The following PIK3C2G variants were observed in gnomAD, a reference collection of about 807,000 sequenced individuals.
The protein encoded by PIK3C2G is phosphatidylinositol-4-phosphate 3-kinase catalytic subunit type 2 gamma.
PIK3C2G carries 168 observed loss-of-function variants against 181.1 expected under a neutral mutation model. The ratio of observed to expected loss-of-function variants is 0.93; its 90% confidence interval spans 0.82 to 1.05. The LOEUF (loss-of-function observed/expected upper bound fraction) is 1.05, where lower values mean the gene tolerates loss of function less well. Among genes scored for constraint, PIK3C2G ranks in the 50% least tolerant of loss-of-function variants. The pLI, the probability that PIK3C2G is intolerant of heterozygous loss-of-function variation, is 0.00. For missense variants in PIK3C2G, 1,869 were observed against 1,732.8 expected, an observed-to-expected ratio of 1.08 and a Z score of -1.40; for synonymous variants, 573 against 592.2, an observed-to-expected ratio of 0.97 and a Z score of 0.47.
intron 18 of PIK3C2G, among the ~76,000 whole-genome samples, chr12:18,476,018 C>A (rs1334401912): frequency 6.6e-6 from 1 of 151,594 alleles, no homozygotes; most frequent in African/African-American, 2.4e-5. Flanking sequence ...CAGTTCTGTC[C>A]CGAAAGAATT....
chr12:18,303,183 C>A (rs543458535), intron 5 of PIK3C2G, among the ~76,000 whole-genome samples: 16 of 130,550 alleles, frequency 1.2e-4, no homozygotes, highest in African/African-American at 4.4e-4. Flanking sequence ...CTCTTTCTCT[C>A]TCTTCTTTCT....
chr12:18,605,244 G>T, intron 30 of PIK3C2G, among the ~76,000 whole-genome samples: 1 of 152,014 alleles, frequency 6.6e-6, no homozygotes, highest in Non-Finnish European at 1.5e-5. Context: ...TCATTCAAGG[G>T]TACTATGAAC....
rs976311949 is a variant in PIK3C2G, at chr12:18,407,948, G to C, written c.2315+8101G>C. ...AGGTCAAACTAGAAGACCATGTTGAGGACTTCTAAAGCAGGACCAAGTTGG... is the reference window on the plus strand; with the variant it reads ...AGGTCAAACTAGAAGACCATGTTGACGACTTCTAAAGCAGGACCAAGTTGG... On this transcript the variant is annotated intron_variant, in intron 16 of 32. Transcript: ENST00000538779. Among the ~76,000 whole-genome samples the C allele has an allele frequency of 2.0e-5, 3 of 152,234 alleles. No individual in the cohort carries two copies. The East Asian group carries it at 5.8e-4, about 29-fold the overall frequency.
At chr12:18,463,559 A>T (rs115441000) in intron 18 of PIK3C2G, among the ~76,000 whole-genome samples, 1,583 of 152,308 alleles carry the variant, frequency 0.01, 28 homozygotes, top group African/African-American at 0.036. Context: ...TGCATCAGCG[A>T]TTATATGATG....
chr12:18,643,018 C>T (rs1417082700), intron 32 of PIK3C2G, among the ~76,000 whole-genome samples: 1 of 152,062 alleles, frequency 6.6e-6, no homozygotes, highest in Non-Finnish European at 1.5e-5. Context: ...TATCAAGAAA[C>T]TTCTCAGACC....
chr12:18,664,162 G>A, the PIK3C2G span, among the ~76,000 whole-genome samples: 1 of 152,190 alleles, frequency 6.6e-6, no homozygotes, highest in African/African-American at 2.4e-5. Context: ...GAACGCTTAT[G>A]TACTGTTGGT....
intron 12 of PIK3C2G, among the ~76,000 whole-genome samples, chr12:18,366,319 G>A (rs945513076): frequency 3.3e-5 from 5 of 152,150 alleles, no homozygotes; most frequent in African/African-American, 1.2e-4. Context: ...GATCATTTGA[G>A]GTCAGGAGTT....
At chr12:18,341,559 A>G (rs1470983612) in intron 9 of PIK3C2G, among the ~76,000 whole-genome samples, 4 of 152,136 alleles carry the variant, frequency 2.6e-5, no homozygotes, top group African/African-American at 9.6e-5. Context: ...ACTGGGTCCC[A>G]CTTATTTTGA....
intron 32 of PIK3C2G, among the ~76,000 whole-genome samples, chr12:18,642,812 G>C (rs907622988): frequency 6.8e-6 from 1 of 146,764 alleles, no homozygotes; most frequent in Non-Finnish European, 1.5e-5. Flanking sequence ...GTGTGTGTGT[G>C]TGTGTGTGTG....
chr12:18,349,279 AG>A (rs1321521768), intron 11 of PIK3C2G, among the ~76,000 whole-genome samples: 2 of 152,180 alleles, frequency 1.3e-5, no homozygotes, highest in African/African-American at 2.4e-5. Context: ...ACCAGGCCAG[AG>A]GTATCTCCAG....
chr12:18,640,688 G>C lies in PIK3C2G; in HGVS notation c.4308+134G>C, dbSNP rs572337224. Reference sequence around the variant, plus strand: ...AGGAAAGATATTTTCCAAAGTAGTCGCAGTATGCTGATCACTCTTCTAGAT... The same window carrying C: ...AGGAAAGATATTTTCCAAAGTAGTCCCAGTATGCTGATCACTCTTCTAGAT... On this transcript the variant is annotated intron_variant, in intron 32 of 32. Transcript: ENST00000538779. 4 of 792,660 alleles carry C rather than the reference G, an allele frequency of 5.0e-6. No homozygotes were observed. In the East Asian group the frequency reaches 8.1e-5, roughly 16 times the overall value. The allele number at this position is 792,660 out of a possible 1,614,324, so 49.1% of individuals were successfully genotyped here. A position where few individuals can be genotyped will look rare whatever the true frequency, so the allele number is the denominator to read the frequency against.
chr12:18,287,215 A>G (rs1054566458), intron 3 of PIK3C2G, among the ~76,000 whole-genome samples: 2 of 151,940 alleles, frequency 1.3e-5, no homozygotes, highest in African/African-American at 2.4e-5. Flanking sequence ...GTTTGCAGTG[A>G]ATTTTTTTTT....
At chr12:18,464,817 A>C (rs138326104) in intron 18 of PIK3C2G, among the ~76,000 whole-genome samples, 120 of 152,156 alleles carry the variant, frequency 7.9e-4, no homozygotes, top group Admixed American at 2.9e-3. Flanking sequence ...CTGTAGTATA[A>C]ATGCATCACA....
In PIK3C2G at chr12:18,526,516, G is replaced by T. The variant is rs149934747; in HGVS notation, c.3324-11640G>T. Reference sequence around the variant, plus strand: ...TAGGATCATTCCAAAATGTCATCACGTTTACTTTCCTTGACCCAAGAACCT... The same window carrying T: ...TAGGATCATTCCAAAATGTCATCACTTTTACTTTCCTTGACCCAAGAACCT... On this transcript the variant is annotated intron_variant, in intron 24 of 32. Coordinates refer to ENST00000538779, the MANE Select transcript of PIK3C2G (RefSeq NM_001288772.2). Among the ~76,000 whole-genome samples, 868 of 152,154 alleles carry T rather than the reference G, an allele frequency of 5.7e-3. 6 individuals carry two copies. The highest frequency in any genetic ancestry group is 0.02 in the African/African-American group (835 of 41,492).
the PIK3C2G span, among the ~76,000 whole-genome samples, chr12:18,685,846 G>GCACA: frequency 1.4e-4 from 15 of 109,250 alleles, no homozygotes; most frequent in African/African-American, 5.0e-4. Flanking sequence ...ACACACACGC[G>GCACA]CACACACACA....
chr12:18,279,107 C>A (rs1287223474), intron 1 of PIK3C2G, among the ~76,000 whole-genome samples: 5 of 151,974 alleles, frequency 3.3e-5, no homozygotes, highest in Non-Finnish European at 5.9e-5. Flanking sequence ...CTGTTCAGGG[C>A]CAAAATCCAG....
chr12:18,710,785 G>T, the PIK3C2G span, among the ~76,000 whole-genome samples: 3 of 152,102 alleles, frequency 2.0e-5, no homozygotes, highest in Non-Finnish European at 4.4e-5. Flanking sequence ...ATGAAAAAAT[G>T]CTCATCATCA....
chr12:18,347,979 A>G (rs1276963115), intron 11 of PIK3C2G, among the ~76,000 whole-genome samples: 1 of 152,068 alleles, frequency 6.6e-6, no homozygotes, highest in Non-Finnish European at 1.5e-5. Flanking sequence ...TAATATTTTT[A>G]TTCTTTTTCC....
At chr12:18,660,618 T>C in the PIK3C2G span, among the ~76,000 whole-genome samples, 459 of 152,270 alleles carry the variant, frequency 3.0e-3, 3 homozygotes, top group African/African-American at 0.01. Context: ...CTTAGATTTA[T>C]ACCTCAGGCT....
Sources: gnomAD v4.1 joint callset for allele counts (sites outside exome capture counted in the v4.1 genomes callset) on GRCh38, gnomAD v4.1.1 for gene constraint, MANE v1.5 for transcripts, NCBI Gene and HGNC (gene_info 2026-07-23, HGNC 2026-07-21) for gene names.